Variants in CDH8 observed in about 807,000 individuals in gnomAD.
CDH8 encodes the protein cadherin 8, also known as cadherin-8.
In CDH8, 17 loss-of-function variants were observed where a neutral mutation model predicts 68.1. The ratio of observed to expected loss-of-function variants is 0.25; its 90% CI spans 0.17 to 0.37. CDH8 has a LOEUF of 0.37. Ranked by LOEUF, CDH8 falls within the 10% of genes least tolerant of loss-of-function variation. The probability of loss-of-function intolerance (pLI) is 1.00; values close to 1 mark genes in which losing one functional copy is unlikely to be tolerated. For missense variants in CDH8, 763 were observed against 999.3 expected, an observed-to-expected ratio of 0.76 and a Z score of 3.19; for synonymous variants, 372 against 365.1, an observed-to-expected ratio of 1.02 and a Z score of -0.21.
intron 8 of CDH8, among the ~76,000 whole-genome samples, chr16:61,788,208 A>C (rs1961285052): frequency 6.6e-6 from 1 of 152,086 alleles, no homozygotes; most frequent in South Asian, 2.1e-4. Flanking sequence ...CAGAAAAAAC[A>C]TTGTTTCTCC....
chr16:61,995,878 C>G (rs764811558), intron 2 of CDH8, among the ~76,000 whole-genome samples: 8 of 152,192 alleles, frequency 5.3e-5, no homozygotes, highest in Non-Finnish European at 1.2e-4. Flanking sequence ...CTGCCCAACT[C>G]AGTAGATATA....
At chr16:61,844,811 C>T (rs1426026582) in intron 4 of CDH8, among the ~76,000 whole-genome samples, 1 of 152,100 alleles carries the variant, frequency 6.6e-6, no homozygotes, top group Non-Finnish European at 1.5e-5. Context: ...AAAAACACGA[C>T]CTGTGGCACA....
chr16:61,913,780 G>A (rs1964196405), intron 2 of CDH8, among the ~76,000 whole-genome samples: 2 of 151,644 alleles, frequency 1.3e-5, no homozygotes, highest in Admixed American at 1.3e-4. Flanking sequence ...TAAAACTGTT[G>A]GAAATATGTA....
At chr16:62,004,095 G>A (rs1433026537) in intron 2 of CDH8, among the ~76,000 whole-genome samples, 2 of 152,216 alleles carry the variant, frequency 1.3e-5, no homozygotes, top group African/African-American at 2.4e-5. Context: ...AAACTGTCTC[G>A]CTAATTGCAA....
intron 3 of CDH8, among the ~76,000 whole-genome samples, chr16:61,891,105 G>T (rs1350997370): frequency 6.6e-6 from 1 of 151,784 alleles, no homozygotes; most frequent in Non-Finnish European, 1.5e-5. Context: ...AAGGTTGAGG[G>T]TTGGACCACA....
intron 1 of CDH8, among the ~76,000 whole-genome samples, chr16:62,025,760 CTT>C (rs1354045584): frequency 6.6e-6 from 1 of 152,018 alleles, no homozygotes; most frequent in Non-Finnish European, 1.5e-5. Context: ...TGGAATATAA[CTT>C]TAAAATTACG....
At chr16:61,890,886 C>T (rs1446497539) in intron 3 of CDH8, among the ~76,000 whole-genome samples, 1 of 152,042 alleles carries the variant, frequency 6.6e-6, no homozygotes, top group Non-Finnish European at 1.5e-5. Flanking sequence ...GAAGAGTGCA[C>T]TGGAAACACC....
chr16:61,916,871 C>T (rs1964247033), intron 2 of CDH8, among the ~76,000 whole-genome samples: 1 of 152,074 alleles, frequency 6.6e-6, no homozygotes, highest in African/African-American at 2.4e-5. Context: ...GAGGGAGACT[C>T]GGATTCCAAA....
chr16:62,028,531 G>A (rs1567574859), intron 1 of CDH8, among the ~76,000 whole-genome samples: 1 of 151,894 alleles, frequency 6.6e-6, no homozygotes, highest in Admixed American at 6.6e-5. Flanking sequence ...TATTCTTCAC[G>A]TAGAAATTTT....
intron 7 of CDH8, among the ~76,000 whole-genome samples, chr16:61,812,501 T>C (rs574267937): frequency 4.6e-5 from 7 of 151,958 alleles, no homozygotes; most frequent in Middle Eastern, 3.4e-3. Flanking sequence ...TGGGAAACAA[T>C]AGAAAGTGAT....
At chr16:61,998,884 T>C (rs1965849006) in intron 2 of CDH8, among the ~76,000 whole-genome samples, 1 of 152,026 alleles carries the variant, frequency 6.6e-6, no homozygotes, top group Non-Finnish European at 1.5e-5. Flanking sequence ...AAAGATTTAA[T>C]AAAATCAATA....
intron 8 of CDH8, among the ~76,000 whole-genome samples, chr16:61,753,471 C>T (rs779547046): frequency 2.0e-4 from 31 of 152,196 alleles, no homozygotes; most frequent in Non-Finnish European, 3.2e-4. Context: ...GACTCTTGGC[C>T]TTAAGTGATT....
intron 2 of CDH8, among the ~76,000 whole-genome samples, chr16:61,980,340 T>C (rs946991702): frequency 2.0e-5 from 3 of 152,222 alleles, no homozygotes; most frequent in South Asian, 2.1e-4. Context: ...CACAGCCCTA[T>C]TGACGTCATA....
chr16:61,988,164 A>C (rs187682039), intron 2 of CDH8, among the ~76,000 whole-genome samples: 39 of 152,304 alleles, frequency 2.6e-4, no homozygotes, highest in African/African-American at 8.9e-4. Context: ...TCTATAGAAA[A>C]TTATTTTAAA....
intron 3 of CDH8, among the ~76,000 whole-genome samples, chr16:61,894,286 G>T (rs118126722): frequency 6.6e-6 from 1 of 152,096 alleles, no homozygotes; most frequent in African/African-American, 2.4e-5. Flanking sequence ...ATTGTTCCAC[G>T]GTCAGGTGTG....
At chr16:61,905,126 T>C (rs1055019708) in intron 2 of CDH8, among the ~76,000 whole-genome samples, 1 of 152,134 alleles carries the variant, frequency 6.6e-6, no homozygotes, top group Non-Finnish European at 1.5e-5. Context: ...TGGGGAAGGG[T>C]GATCTAGAGA....
In CDH8 at chr16:61,652,774, T is replaced by G; in HGVS notation, c.*834A>C. 1 of 1,333,226 alleles carries G rather than the reference T, an allele frequency of 7.5e-7. No homozygotes were observed. The highest frequency in any genetic ancestry group is 9.6e-7 in the Non-Finnish European group (1 of 1,040,674). 82.6% of individuals were successfully genotyped at this position (1,333,226 alleles called of 1,614,324 possible). A position where few individuals can be genotyped will look rare whatever the true frequency, so the allele number is the denominator to read the frequency against. On this transcript the variant is annotated 3_prime_UTR_variant, in exon 12 of 12. Transcript: ENST00000577390. Reference sequence around the variant, plus strand: ...TCAATAAAATATTTATTTCGAGGATTAAACAAATAAATTCACGCGCTAGCA... The same window carrying G: ...TCAATAAAATATTTATTTCGAGGATGAAACAAATAAATTCACGCGCTAGCA...
At chr16:61,819,554 T>C (rs1188145355) in intron 6 of CDH8, among the ~76,000 whole-genome samples, 1 of 152,102 alleles carries the variant, frequency 6.6e-6, no homozygotes, top group Non-Finnish European at 1.5e-5. Context: ...AGGATTTTGG[T>C]AGAAAGATAG....
In CDH8 at chr16:61,652,405, A is replaced by G; in HGVS notation, c.*1203T>C. The G allele has an allele frequency of 3.0e-6, 3 of 985,108 alleles. No individual in the cohort carries two copies. The highest frequency in any genetic ancestry group is 3.6e-6 in the Non-Finnish European group (3 of 829,580). 61.0% of individuals were successfully genotyped at this position (985,108 alleles called of 1,614,324 possible). A position where few individuals can be genotyped will look rare whatever the true frequency, so the allele number is the denominator to read the frequency against. On this transcript the variant is annotated 3_prime_UTR_variant, in exon 12 of 12. Transcript: ENST00000577390. Reference sequence around the variant, plus strand: ...AAAAGTCTAGAGTTTAAATATTCACAGGAATCAATATACTTTAGGATGTTT... The same window carrying G: ...AAAAGTCTAGAGTTTAAATATTCACGGGAATCAATATACTTTAGGATGTTT...
Sources: allele counts gnomAD v4.1 joint callset (sites outside exome capture counted in the v4.1 genomes callset), GRCh38; gene constraint gnomAD v4.1.1; transcripts MANE v1.5; gene names NCBI Gene and HGNC (gene_info 2026-07-23, HGNC 2026-07-21).